The following SEMA4D variants were observed in gnomAD, a reference collection of about 807,000 sequenced individuals.
SEMA4D encodes semaphorin-4D.
A neutral mutation model predicts 74.8 loss-of-function variants in SEMA4D; 22 were observed. That is an observed-to-expected ratio of 0.29 (90% CI 0.21 to 0.42). The LOEUF is 0.42. Among genes scored for constraint, SEMA4D ranks in the 10% least tolerant of loss-of-function variants. The probability of loss-of-function intolerance (pLI) is 1.00; values close to 1 mark genes in which losing one functional copy is unlikely to be tolerated. For synonymous variants in SEMA4D, 445 were observed against 463.7 expected (o/e 0.96, Z 0.52); for missense variants, 937 against 1,118.4 (o/e 0.84, Z 2.31).
chr9:89,481,949 T>C (rs1422717811), intron 1 of SEMA4D, among the ~76,000 whole-genome samples: 1 of 152,206 alleles, frequency 6.6e-6, no homozygotes, highest in African/African-American at 2.4e-5. Context: ...GATGGAAAGA[T>C]GAAAACAGCA....
At chr9:89,364,523 A>G (rs13283164) in intron 16 of SEMA4D, 54,911 of 175,862 alleles carry the variant, frequency 0.31, 9,040 homozygotes, top group South Asian at 0.43. Flanking sequence ...GGCAGGGGCC[A>G]GGCCCTGCAG....
intron 3 of SEMA4D, 25 bp downstream of exon 3, chr9:89,405,326 C>T (rs775868956): frequency 6.9e-6 from 11 of 1,600,490 alleles, no homozygotes; most frequent in East Asian, 2.2e-5. Context: ...AGGCCATCAG[C>T]ACCCCTGCAG....
chr9:89,376,973 G>GA (rs1356100020), downstream of SEMA4D: 9 of 1,550,340 alleles, frequency 5.8e-6, no homozygotes, highest in African/African-American at 1.4e-5. Context: ...CCAGGGAGAG[G>GA]AAAGCCTCCT....
intron 2 of SEMA4D, among the ~76,000 whole-genome samples, chr9:89,413,043 T>TA (rs1479639622): frequency 6.6e-6 from 1 of 152,220 alleles, no homozygotes; most frequent in East Asian, 1.9e-4. Context: ...TTGCTGGCTT[T>TA]CTTCGCCATT....
intron 1 of SEMA4D, chr9:89,497,486 C>A (rs893332680): frequency 6.6e-6 from 1 of 151,940 alleles, no homozygotes; most frequent in African/African-American, 2.4e-5. Flanking sequence ...TGGGGCCTGA[C>A]CTGGCGGGGC....
chr9:89,415,599 C>T (rs1845535051), intron 2 of SEMA4D, among the ~76,000 whole-genome samples: 1 of 152,208 alleles, frequency 6.6e-6, no homozygotes, highest in African/African-American at 2.4e-5. Flanking sequence ...CTCCCTCACC[C>T]CTCAACCATG....
intron 1 of SEMA4D, among the ~76,000 whole-genome samples, chr9:89,485,309 T>C (rs781414694): frequency 6.6e-6 from 1 of 152,260 alleles, no homozygotes; most frequent in Admixed American, 6.5e-5. Context: ...CCAATGTTAC[T>C]ATGGCACATC....
intron 2 of SEMA4D, among the ~76,000 whole-genome samples, chr9:89,440,669 A>G (rs952857282): frequency 6.6e-6 from 1 of 152,198 alleles, no homozygotes; most frequent in East Asian, 1.9e-4. Context: ...CTCTGCAAAC[A>G]TTTCCTAACT....
At chr9:89,362,016 TG>T (rs1440309840) in exon 19 of SEMA4D, 13 of 352,576 alleles carry the variant, frequency 3.7e-5, no homozygotes, top group Non-Finnish European at 6.4e-5. Flanking sequence ...GGGGAGTCAC[TG>T]GGACGGTGTA....
At chr9:89,438,447 G>A (rs1173783205) in intron 2 of SEMA4D, among the ~76,000 whole-genome samples, 2 of 152,212 alleles carry the variant, frequency 1.3e-5, no homozygotes, top group African/African-American at 2.4e-5. Context: ...CCTGGTGACT[G>A]CAACTCCTGC....
chr9:89,453,300 A>C (rs527961424), intron 2 of SEMA4D, among the ~76,000 whole-genome samples: 2 of 152,332 alleles, frequency 1.3e-5, no homozygotes, highest in South Asian at 2.1e-4. Context: ...AACAACCACC[A>C]AACTCAAAGG....
At chr9:89,414,948 G>A (rs1328869242) in intron 2 of SEMA4D, among the ~76,000 whole-genome samples, 1 of 152,230 alleles carries the variant, frequency 6.6e-6, no homozygotes, top group Non-Finnish European at 1.5e-5. Context: ...GAAACCCAGG[G>A]AGAGAGACAG....
downstream of SEMA4D, among the ~76,000 whole-genome samples, chr9:89,374,671 G>C (rs1227497761): frequency 2.6e-5 from 4 of 152,176 alleles, no homozygotes; most frequent in East Asian, 7.7e-4. Flanking sequence ...TTCTCCCTGG[G>C]CACCCATCTT....
chr9:89,435,116 G>A (rs762364628), intron 2 of SEMA4D, among the ~76,000 whole-genome samples: 1 of 152,184 alleles, frequency 6.6e-6, no homozygotes. Flanking sequence ...GGCCAAGGCG[G>A]GGAGTGCACG....
chr9:89,395,821 T>C (rs1840840258), intron 6 of SEMA4D, among the ~76,000 whole-genome samples: 2 of 152,222 alleles, frequency 1.3e-5, no homozygotes, highest in Admixed American at 1.3e-4. Flanking sequence ...TTGTCATTTA[T>C]CTCTGACTCA....
In SEMA4D at chr9:89,419,013, C is replaced by T. The variant is rs117795992; in HGVS notation, c.-243-13314G>A. 3.1e-3 allele frequency among the ~76,000 whole-genome samples: 440 copies of T among 143,778 alleles called. 1 individual carries two copies. Among genetic ancestry groups the T allele is most frequent in the Non-Finnish European group, 5.0e-3 (327 of 65,490 alleles). 94.3% of individuals were successfully genotyped at this position (143,778 alleles called of 152,430 possible). On this transcript the variant is annotated intron_variant, in intron 2 of 15. Transcript: ENST00000422704. ...CCTCCCACCCAGGCCCCTCACTGGA[C>T]GGCTCCCTCCTCTACAGACGCCCTG...
At chr9:89,450,566 T>C in intron 2 of SEMA4D, 1 of 1,006,220 alleles carries the variant, frequency 9.9e-7, no homozygotes, top group South Asian at 1.3e-5. Context: ...TAACCAGTGG[T>C]CCCTTCCAGC....
At chr9:89,473,618 A>G (rs2136018235) in intron 1 of SEMA4D, among the ~76,000 whole-genome samples, 1 of 152,268 alleles carries the variant, frequency 6.6e-6, no homozygotes, top group African/African-American at 2.4e-5. Context: ...GTACTTTGGG[A>G]GGCCGAGGCA....
chr9:89,397,300 C>T (rs1038702947), intron 5 of SEMA4D, among the ~76,000 whole-genome samples: 17 of 152,328 alleles, frequency 1.1e-4, no homozygotes, highest in Non-Finnish European at 2.1e-4. Flanking sequence ...AGTACGTGGA[C>T]CACTTGTTCT....
Sources: allele counts gnomAD v4.1 joint callset (sites outside exome capture counted in the v4.1 genomes callset), GRCh38; gene constraint gnomAD v4.1.1; transcripts MANE v1.5; gene names NCBI Gene and HGNC (gene_info 2026-07-23, HGNC 2026-07-21).